The following SNTG2 variants were observed in gnomAD, a reference collection of about 807,000 sequenced individuals.
SNTG2 encodes syntrophin gamma 2.
SNTG2 carries 74 observed loss-of-function variants against 70.9 expected under a neutral mutation model. The observed-to-expected ratio is 1.04, with a 90% CI of 0.86 to 1.27. The LOEUF is 1.27. Ranked by LOEUF, SNTG2 falls within the 50% of genes most tolerant of loss-of-function variation. The probability of loss-of-function intolerance (pLI) is 0.00; values close to 1 mark genes in which losing one functional copy is unlikely to be tolerated. For synonymous variants in SNTG2, 278 were observed against 273.8 expected, an observed-to-expected ratio of 1.02 and a Z score of -0.15; for missense variants, 717 against 690.7, an observed-to-expected ratio of 1.04 and a Z score of -0.43.
At position 1,178,894 on chromosome 2, in the gene SNTG2, G is replaced by C. The variant is rs567788254; in HGVS notation, c.591+5711G>C. 3.7e-4 allele frequency among the ~76,000 whole-genome samples: 57 copies of C among 152,276 alleles called. No individual in the cohort carries two copies. In the East Asian group the frequency reaches 8.3e-3, roughly 22 times the overall value. ...GAAGGAATGGTACCAGCTCCTCCTT[G>C]TACCTCTGGTAGAATTCAGCTTTGA... is the stretch of plus-strand genomic sequence containing the variant. On this transcript the variant is annotated intron_variant, in intron 8 of 16. Transcript: ENST00000308624.
intron 1 of SNTG2, among the ~76,000 whole-genome samples, chr2:972,908 C>T (rs1177583691): frequency 1.3e-5 from 2 of 152,216 alleles, no homozygotes; most frequent in African/African-American, 2.4e-5. Context: ...TTATAAATTA[C>T]TCAGTCTCAG....
chr2:1,115,970 G>A (rs1157442682), intron 4 of SNTG2, among the ~76,000 whole-genome samples: 2 of 152,252 alleles, frequency 1.3e-5, no homozygotes, highest in Admixed American at 1.3e-4. Flanking sequence ...CTTGGCGGAG[G>A]TGGGGGCCAA....
At chr2:983,318 TGAA>T (rs1229706276) in intron 1 of SNTG2, among the ~76,000 whole-genome samples, 1 of 143,154 alleles carries the variant, frequency 7.0e-6, no homozygotes, top group African/African-American at 2.7e-5. Flanking sequence ...GTGGTCAGGA[TGAA>T]GAAGCTGCAG....
intron 9 of SNTG2, among the ~76,000 whole-genome samples, chr2:1,211,727 A>C (rs2147999678): frequency 6.6e-6 from 1 of 152,148 alleles, no homozygotes; most frequent in African/African-American, 2.4e-5. Context: ...CATGGAAAAA[A>C]CCCACCCCCA....
chr2:1,037,219 C>A (rs1330703081), intron 1 of SNTG2, among the ~76,000 whole-genome samples: 2 of 152,216 alleles, frequency 1.3e-5, no homozygotes, highest in African/African-American at 4.8e-5. Context: ...AAACCTGACC[C>A]AGAGCCAGCT....
chr2:998,270 C>A (rs73908643), intron 1 of SNTG2, among the ~76,000 whole-genome samples: 3 of 151,952 alleles, frequency 2.0e-5, no homozygotes, highest in Non-Finnish European at 4.4e-5. Flanking sequence ...CCAAATATCA[C>A]ACTAATTCTC....
At chr2:958,143 G>A (rs1392145789) in intron 1 of SNTG2, among the ~76,000 whole-genome samples, 1 of 152,148 alleles carries the variant, frequency 6.6e-6, no homozygotes, top group Non-Finnish European at 1.5e-5. Flanking sequence ...CAGGTGAGGT[G>A]TGGTCCGCAT....
intron 15 of SNTG2, among the ~76,000 whole-genome samples, chr2:1,312,561 A>G (rs1437573502): frequency 6.6e-6 from 1 of 152,224 alleles, no homozygotes; most frequent in Non-Finnish European, 1.5e-5. Context: ...GAGCCTGGCC[A>G]TACGTGTAGG....
intron 4 of SNTG2, among the ~76,000 whole-genome samples, chr2:1,116,991 T>A (rs551045138): frequency 1.4e-5 from 2 of 144,726 alleles, no homozygotes; most frequent in Admixed American, 1.4e-4. Flanking sequence ...GTGGGTGCTC[T>A]GGTGTACGAG....
At chr2:1,217,009 A>G (rs1284103876) in intron 9 of SNTG2, among the ~76,000 whole-genome samples, 1 of 152,156 alleles carries the variant, frequency 6.6e-6, no homozygotes, top group Non-Finnish European at 1.5e-5. Context: ...GCTGTGGGGA[A>G]TATGAGCAGG....
intron 1 of SNTG2, among the ~76,000 whole-genome samples, chr2:978,299 A>G (rs898514657): frequency 6.6e-6 from 1 of 152,202 alleles, no homozygotes; most frequent in Non-Finnish European, 1.5e-5. Flanking sequence ...AATAGTGGAG[A>G]AAAGTACATT....
At chr2:1,207,192 A>C (rs60346764) in intron 8 of SNTG2, among the ~76,000 whole-genome samples, 2,242 of 152,334 alleles carry the variant, frequency 0.015, 61 homozygotes, top group African/African-American at 0.051. Flanking sequence ...AGGTGATCAG[A>C]AGGTATTTCA....
chr2:1,310,824 C>T (rs1018873279), intron 15 of SNTG2, among the ~76,000 whole-genome samples: 1 of 152,164 alleles, frequency 6.6e-6, no homozygotes, highest in Non-Finnish European at 1.5e-5. Context: ...AAAATCAATC[C>T]AGTCAACTTT....
chr2:1,044,443 G>A (rs577668184), intron 1 of SNTG2, among the ~76,000 whole-genome samples: 1 of 152,286 alleles, frequency 6.6e-6, no homozygotes, highest in Admixed American at 6.5e-5. Flanking sequence ...AAGGAGTGGT[G>A]AGAGGGGCAT....
At chr2:1,187,555 A>T (rs1386003964) in intron 8 of SNTG2, among the ~76,000 whole-genome samples, 2 of 152,140 alleles carry the variant, frequency 1.3e-5, no homozygotes, top group African/African-American at 2.4e-5. Flanking sequence ...CTTAAAATAA[A>T]TTTATCTCTC....
At chr2:1,109,838 G>A in intron 4 of SNTG2, among the ~76,000 whole-genome samples, 1 of 152,196 alleles carries the variant, frequency 6.6e-6, no homozygotes. Flanking sequence ...GGGACAATTA[G>A]AAAATACTCA....
intron 7 of SNTG2, among the ~76,000 whole-genome samples, chr2:1,168,298 C>T (rs1164766648): frequency 2.6e-5 from 4 of 151,630 alleles, no homozygotes; most frequent in Non-Finnish European, 4.4e-5. Context: ...CGCCCACAGA[C>T]GGCAGAACTG....
intron 8 of SNTG2, among the ~76,000 whole-genome samples, chr2:1,204,919 T>G (rs924464974): frequency 6.6e-6 from 1 of 152,296 alleles, no homozygotes; most frequent in East Asian, 1.9e-4. Flanking sequence ...AGATTTGTCT[T>G]CAGATTCCAC....
At chr2:1,281,399 A>T (rs1029008446) in intron 14 of SNTG2, among the ~76,000 whole-genome samples, 3 of 3,872 alleles carry the variant, frequency 7.7e-4, no homozygotes, top group Admixed American at 2.5e-3. Flanking sequence ...GTGTGTGTTT[A>T]TGTGGTGTGT....
Sources: allele counts gnomAD v4.1 joint callset (sites outside exome capture counted in the v4.1 genomes callset), GRCh38; gene constraint gnomAD v4.1.1; transcripts MANE v1.5; gene names NCBI Gene and HGNC (gene_info 2026-07-23, HGNC 2026-07-21).